The following TFDP1 variants were observed in gnomAD, a reference collection of about 807,000 sequenced individuals.
TFDP1 encodes the protein DRTF1-polypeptide 1.
A neutral mutation model predicts 48.0 loss-of-function variants in TFDP1; 6 were observed. That is an observed-to-expected ratio of 0.13 (90% confidence interval 0.07 to 0.25). The LOEUF is 0.25. Ranked by LOEUF, TFDP1 falls within the 10% of genes least tolerant of loss-of-function variation. The pLI is 1.00. For missense variants in TFDP1, 335 were observed against 543.0 expected (o/e 0.62, Z 3.81); for synonymous variants, 201 against 211.6 (o/e 0.95, Z 0.44).
At chr13:113,625,783 C>CT (rs2049149138) in intron 4 of TFDP1, among the ~76,000 whole-genome samples, 1 of 124,228 alleles carries the variant, frequency 8.0e-6, no homozygotes, top group Non-Finnish European at 1.7e-5. Context: ...TCTCACGTGT[C>CT]CTCAGGCGTC....
intron 1 of TFDP1, 125 bp from the exon 2 acceptor site, chr13:113,585,649 C>T: frequency 1.8e-6 from 1 of 564,312 alleles, no homozygotes; most frequent in South Asian, 2.4e-5. Flanking sequence ...GCTCCGCTCT[C>T]AGGATGGAGG....
At chr13:113,613,278 T>C (rs1312859265) in intron 3 of TFDP1, among the ~76,000 whole-genome samples, 2 of 152,240 alleles carry the variant, frequency 1.3e-5, no homozygotes, top group Non-Finnish European at 2.9e-5. Flanking sequence ...CCTCCCAAAG[T>C]GCTGGGATTA....
At chr13:113,619,899 A>T (rs1221699099) in intron 3 of TFDP1, among the ~76,000 whole-genome samples, 1 of 152,148 alleles carries the variant, frequency 6.6e-6, no homozygotes, top group Non-Finnish European at 1.5e-5. Context: ...CTTTACCTGC[A>T]GCTGGTGTGG....
At chr13:113,618,322 G>A (rs543273048) in intron 3 of TFDP1, among the ~76,000 whole-genome samples, 1 of 152,318 alleles carries the variant, frequency 6.6e-6, no homozygotes, top group East Asian at 1.9e-4. Context: ...AGGAGTTCAA[G>A]ACCAGTCTGG....
intron 2 of TFDP1, among the ~76,000 whole-genome samples, chr13:113,586,501 C>CTT (rs2048007501): frequency 6.6e-6 from 1 of 152,176 alleles, no homozygotes; most frequent in South Asian, 2.1e-4. Context: ...CTTTACCGTG[C>CTT]TTGGTTATGT....
rs564053972 is a variant in TFDP1, at chr13:113,610,246, C to T, written c.13-750C>T. ...GTGTGGCTGTAGCATCACTCATGTGCCTCTGCCATGTGGCTGTACCATCAC... is the reference window on the plus strand; with the variant it reads ...GTGTGGCTGTAGCATCACTCATGTGTCTCTGCCATGTGGCTGTACCATCAC... On this transcript the variant is annotated intron_variant, in intron 2 of 11. Coordinates refer to ENST00000375370, the MANE Select transcript of TFDP1 (RefSeq NM_007111.5). Among the ~76,000 whole-genome samples, 10 of 151,074 alleles carry T rather than the reference C, an allele frequency of 6.6e-5. No individual in the cohort carries two copies. In the South Asian group the frequency reaches 2.1e-3, roughly 32 times the overall value.
rs1468274795 is a variant in TFDP1, at chr13:113,607,765, A to T, written c.13-3231A>T. ...GGGGCTGTGCCAGTGGGTGGCGGTGACGGGGGCCAGTGGTTTCCTGGACCT... is the reference window on the plus strand; with the variant it reads ...GGGGCTGTGCCAGTGGGTGGCGGTGTCGGGGGCCAGTGGTTTCCTGGACCT... On this transcript the variant is annotated intron_variant, in intron 2 of 11. Coordinates refer to ENST00000375370, the MANE Select transcript of TFDP1 (RefSeq NM_007111.5). The surrounding 1 kb of genome is among the most constrained non-coding windows in gnomAD (Gnocchi z 5.2). Among the ~76,000 whole-genome samples, 1 of 152,094 alleles carries T rather than the reference A, an allele frequency of 6.6e-6. No individual in the cohort carries two copies. The highest frequency in any genetic ancestry group is 2.4e-5 in the African/African-American group (1 of 41,436).
At chr13:113,638,258 C>T (rs752376196) in intron 11 of TFDP1, among the ~76,000 whole-genome samples, 6 of 152,030 alleles carry the variant, frequency 3.9e-5, no homozygotes, top group Admixed American at 2.6e-4. Context: ...TCACAGCGCA[C>T]GTATTTTTCA....
At chr13:113,636,320 G>A (rs1474451737) in intron 9 of TFDP1, among the ~76,000 whole-genome samples, 192 bp downstream of exon 9, 1 of 152,382 alleles carries the variant, frequency 6.6e-6, no homozygotes, top group East Asian at 1.9e-4. Flanking sequence ...CCGGGAGCGT[G>A]TGCCTTAGGG....
chr13:113,635,367 C>T (rs1234340436), intron 8 of TFDP1, among the ~76,000 whole-genome samples: 1 of 152,220 alleles, frequency 6.6e-6, no homozygotes, highest in African/African-American at 2.4e-5. Flanking sequence ...GTCCTGGTTG[C>T]CAGTGCCTTA....
chr13:113,602,985 A>AAAAAC (rs58126506), intron 2 of TFDP1, among the ~76,000 whole-genome samples: 49,671 of 146,624 alleles, frequency 0.34, 8,908 homozygotes, highest in Admixed American at 0.42. Context: ...AAAAAAAAAA[A>AAAAAC]ACGTATAATT....
chr13:113,620,953 AG>A (rs749203703), intron 3 of TFDP1, among the ~76,000 whole-genome samples: 5 of 152,248 alleles, frequency 3.3e-5, no homozygotes, highest in Admixed American at 6.5e-5. Context: ...TGGCCAACTT[AG>A]GTTATTAAGA....
chr13:113,623,311 G>T lies in TFDP1; in HGVS notation c.186+25G>T, dbSNP rs764757818. The T allele has an allele frequency of 6.3e-7, 1 of 1,586,360 alleles. No individual in the cohort carries two copies. The highest frequency in any genetic ancestry group is 1.1e-5 in the South Asian group (1 of 87,502). ...GGTAAGCCTCCCGCAGGAGCGGACAGCCGGGATCTCGGTGTGAGGTCGGGA... is the reference window on the plus strand; with the variant it reads ...GGTAAGCCTCCCGCAGGAGCGGACATCCGGGATCTCGGTGTGAGGTCGGGA... On this transcript the variant is annotated intron_variant, in intron 4 of 11. Transcript: ENST00000375370. This position sits in a 1 kb window ranked among gnomAD's most constrained non-coding sequence, Gnocchi z 5.2.
rs536912618 is a variant in TFDP1, at chr13:113,627,351, G to A, written c.186+4065G>A. ...GGACAGAGGACATATGTGCTCAGCC[G>A]GCAGGAGCAGCGGCCTGTGTGAGCC... On this transcript the variant is annotated intron_variant, in intron 4 of 11. Coordinates refer to ENST00000375370, the MANE Select transcript of TFDP1 (RefSeq NM_007111.5). This position sits in a 1 kb window ranked among gnomAD's most constrained non-coding sequence, Gnocchi z 4.1. 3.0e-4 allele frequency among the ~76,000 whole-genome samples: 45 copies of A among 152,290 alleles called. No individual in the cohort carries two copies. Among genetic ancestry groups the A allele is most frequent in the African/African-American group, 9.9e-4 (41 of 41,558 alleles).
rs2048609356 is a variant in TFDP1, at chr13:113,607,923, C to T, written c.13-3073C>T. ...GCAGCCCCCATGGCTGCCGAGGTCT[C>T]CCCTGGGCAGGGGCAGTTGGTGTTC... On this transcript the variant is annotated intron_variant, in intron 2 of 11. Coordinates refer to ENST00000375370, the MANE Select transcript of TFDP1 (RefSeq NM_007111.5). This position sits in a 1 kb window ranked among gnomAD's most constrained non-coding sequence, Gnocchi z 5.2. 6.6e-6 allele frequency among the ~76,000 whole-genome samples: 1 copy of T among 152,214 alleles called. No individual in the cohort carries two copies. Among genetic ancestry groups the T allele is most frequent in the South Asian group, 2.1e-4 (1 of 4,826 alleles).
intron 3 of TFDP1, among the ~76,000 whole-genome samples, chr13:113,619,825 T>A (rs1437223552): frequency 6.6e-6 from 1 of 152,154 alleles, no homozygotes; most frequent in African/African-American, 2.4e-5. Flanking sequence ...AGAGGTCCTC[T>A]GTTGGTTTGT....
chr13:113,612,705 G>T (rs2140410021), intron 3 of TFDP1, among the ~76,000 whole-genome samples: 1 of 152,300 alleles, frequency 6.6e-6, no homozygotes, highest in African/African-American at 2.4e-5. Context: ...CCACATGTGG[G>T]CTGTCTCCTT....
intron 1 of TFDP1, 22 bp from the exon 2 acceptor site, chr13:113,585,752 C>T (rs1196878005): frequency 5.5e-6 from 6 of 1,091,942 alleles, no homozygotes; most frequent in South Asian, 1.6e-5. Context: ...TTTTTCCTTA[C>T]TTTTTTTTTT....
intron 3 of TFDP1, among the ~76,000 whole-genome samples, chr13:113,622,670 C>T (rs1288987944): frequency 6.6e-6 from 1 of 152,234 alleles, no homozygotes; most frequent in African/African-American, 2.4e-5. Context: ...CCGCTTGCTT[C>T]ACCAGTGTTC....
Sources: allele counts gnomAD v4.1 joint callset (sites outside exome capture counted in the v4.1 genomes callset), GRCh38; gene constraint gnomAD v4.1.1; non-coding constraint Gnocchi (gnomAD v3.1); transcripts MANE v1.5; gene names NCBI Gene and HGNC (gene_info 2026-07-23, HGNC 2026-07-21).